Variants in EP400 observed in about 807,000 individuals in gnomAD.
The protein encoded by EP400 is E1A binding protein p400.
A neutral mutation model predicts 354.1 loss-of-function variants in EP400; 105 were observed. That is an observed-to-expected ratio of 0.30 (90% CI 0.25 to 0.35). EP400 has a LOEUF of 0.35. Ranked by LOEUF, EP400 falls within the 10% of genes least tolerant of loss-of-function variation. EP400 has a pLI of 1.00. For synonymous variants in EP400, 1,646 were observed against 1,716.9 expected (o/e 0.96, Z 1.02); for missense variants, 3,280 against 4,121.0 (o/e 0.80, Z 5.59).
Position 131,986,423 on chromosome 12 carries a change from C to T in EP400, c.1930-91C>T, listed in dbSNP as rs76894458. 9,827 of 1,342,846 alleles carry T rather than the reference C, an allele frequency of 7.3e-3. 513 individuals carry two copies. In the African/African-American group the frequency reaches 0.12, roughly 16 times the overall value. 83.2% of individuals were successfully genotyped at this position (1,342,846 alleles called of 1,614,324 possible). On this transcript the variant is annotated intron_variant, in intron 5 of 52. Transcript: ENST00000389561. ...AGCGGAAGGTGCTGGCAGTGCGCGT[C>T]TCTGGTGCTGTGGGCGCTCAGGTAT...
rs1894765179 is a variant in EP400, at chr12:132,037,772, C to T, written c.6042C>T (p.Tyr2014=). 1.9e-6 allele frequency: 3 copies of T among 1,614,084 alleles called. No homozygotes were observed. The highest frequency in any genetic ancestry group is 2.5e-6 in the Non-Finnish European group (3 of 1,180,030). The change falls in exon 31 of 53, where the codon TAC becomes TAT. Residue 2014 remains tyrosine, a synonymous_variant. Transcript: ENST00000389561. ...AAGTGGCTGCTCAGGGAAATGACTA[C>T]TCCATGGCTTTCTTAACTCAGGTAC... ...IREVAAQGND[Y]SMAFLTQRTI...
At chr12:132,063,848 C>T (rs951589690) in intron 47 of EP400, among the ~76,000 whole-genome samples, 5 of 152,198 alleles carry the variant, frequency 3.3e-5, no homozygotes, top group African/African-American at 1.2e-4. Context: ...GCAGCCCCCG[C>T]CTAGCCCACT....
In EP400 at chr12:132,077,663, C is replaced by T. The variant is rs779770506; in HGVS notation, c.9362C>T (p.Pro3121Leu). The T allele has an allele frequency of 1.0e-5, 16 of 1,607,962 alleles. No homozygotes were observed. The highest frequency in any genetic ancestry group is 1.3e-5 in the Non-Finnish European group (15 of 1,176,782). ...AVRLKTPTKPPCQ is the reference protein window; with the variant it reads ...AVRLKTPTKPLCQ Reference sequence around the variant, plus strand: ...AGGCTAAAGACACCTACTAAGCCTCCGTGCCAGTAGTCAGGGCAGCAGGGC... The same window carrying T: ...AGGCTAAAGACACCTACTAAGCCTCTGTGCCAGTAGTCAGGGCAGCAGGGC... Residue 3121 changes from proline to leucine, a missense_variant, in exon 53 of 53, where the codon CCG (proline) becomes CTG (leucine). Pro to Leu is a moderately conservative substitution (Grantham distance 98). Around this residue, in one of 20 missense-constraint regions of EP400, gnomAD observed 279 missense variants for 386.7 expected, o/e 0.72. Transcript: ENST00000389561.
chr12:132,021,060 C>T lies in EP400; in HGVS notation c.4448-19C>T. ...AGAACCTCTAACAGCTTTGCACAAA[C>T]AAACCTTATCGATTGCAGCAGCAGC... On this transcript the variant is annotated intron_variant, in intron 22 of 52. Transcript: ENST00000389561. 1 of 1,582,258 alleles carries T rather than the reference C, an allele frequency of 6.3e-7. No homozygotes were observed. Among genetic ancestry groups the T allele is most frequent in the Non-Finnish European group, 8.5e-7 (1 of 1,169,620 alleles).
Position 132,053,504 on chromosome 12 carries a change from ACCCCAGCCACAG to A in EP400, c.7642_7653del (p.Pro2548_Gln2551del). ...CAGGGCCACCAGCTGTCCAGCCCCAACCCCAGCCACAGCCCCAGACCCAGCCACAGCCTGTGC... is the reference window on the plus strand; with the variant it reads ...CAGGGCCACCAGCTGTCCAGCCCCAACCCCAGACCCAGCCACAGCCTGTGC... On this transcript the variant is annotated inframe_deletion, in exon 43 of 53. Coordinates refer to ENST00000389561, the MANE Select transcript of EP400 (RefSeq NM_015409.5). The A allele has an allele frequency of 6.5e-7, 1 of 1,537,674 alleles. No homozygotes were observed. The highest frequency in any genetic ancestry group is 8.7e-7 in the Non-Finnish European group (1 of 1,148,502).
chr12:131,999,194 G>A (rs570358169), intron 12 of EP400, among the ~76,000 whole-genome samples: 3 of 151,954 alleles, frequency 2.0e-5, no homozygotes, highest in Non-Finnish European at 4.4e-5. Flanking sequence ...GGTTGTCTGA[G>A]CTCTCCGTGG....
chr12:131,997,249 A>G (rs1462747434), intron 12 of EP400, among the ~76,000 whole-genome samples: 1 of 151,592 alleles, frequency 6.6e-6, no homozygotes, highest in Non-Finnish European at 1.5e-5. Context: ...CGATGAACAC[A>G]TATTTTATGT....
intron 45 of EP400, among the ~76,000 whole-genome samples, chr12:132,061,678 CCACG>C (rs1447783288): frequency 6.6e-6 from 1 of 152,190 alleles, no homozygotes; most frequent in Non-Finnish European, 1.5e-5. Context: ...CCACAAGACC[CCACG>C]CACATGGTGA....
chr12:132,024,497 CTTAATT>C (rs1056814074), intron 24 of EP400, among the ~76,000 whole-genome samples: 4 of 152,210 alleles, frequency 2.6e-5, no homozygotes, highest in Non-Finnish European at 4.4e-5. Context: ...TATCAGCAGA[CTTAATT>C]TTAACTCCCA....
rs140458662 is a variant in EP400, at chr12:132,074,551, G to A, written c.9022-1965G>A. 9.1e-3 allele frequency among the ~76,000 whole-genome samples: 1,388 copies of A among 152,218 alleles called. 16 individuals are homozygous for A. Among genetic ancestry groups the A allele is most frequent in the African/African-American group, 0.032 (1,334 of 41,526 alleles). Reference sequence around the variant, plus strand: ...CCAATGCTCCAGCTTCTTGAATCTCGGGCAGTCTCTCTCATGTCTTTAGGA... The same window carrying A: ...CCAATGCTCCAGCTTCTTGAATCTCAGGCAGTCTCTCTCATGTCTTTAGGA... On this transcript the variant is annotated intron_variant, in intron 51 of 52. Coordinates refer to ENST00000389561, the MANE Select transcript of EP400 (RefSeq NM_015409.5).
chr12:132,006,733 G>C lies in EP400; in HGVS notation c.3160G>C (p.Ala1054Pro). Residue 1054 changes from alanine (A) to proline (P), a missense_variant, in exon 15 of 53, where the codon GCT becomes CCT. Ala to Pro is a conservative substitution (Grantham distance 27, BLOSUM62 -1). Transcript: ENST00000389561. ...KFNAPSLLYGALRDYQKIGLD... is the reference protein window; with the variant it reads ...KFNAPSLLYGPLRDYQKIGLD... ...TAATGCTCCATCTTTGTTGTATGGG[G>C]CTCTCAGAGATTATCAGAAGATTGG... The C allele has an allele frequency of 6.2e-7, 1 of 1,611,304 alleles. No individual in the cohort carries two copies. The highest frequency in any genetic ancestry group is 1.7e-4 in the Middle Eastern group (1 of 6,050).
chr12:132,031,930 T>G, intron 29 of EP400, 23 bp from the exon 30 acceptor site: 2 of 1,583,780 alleles, frequency 1.3e-6, no homozygotes, highest in Admixed American at 1.8e-5. Flanking sequence ...GAATACTAAC[T>G]CCTGTGTTTT....
chr12:131,988,046 A>C (rs1892911969), intron 7 of EP400, among the ~76,000 whole-genome samples, 156 bp downstream of exon 7: 1 of 141,264 alleles, frequency 7.1e-6, no homozygotes, highest in Admixed American at 7.5e-5. Context: ...CCAGGCTGGA[A>C]TGTCCAGCTA....
chr12:132,024,600 C>T (rs1593354942), intron 24 of EP400, among the ~76,000 whole-genome samples: 2 of 152,158 alleles, frequency 1.3e-5, no homozygotes, highest in South Asian at 2.1e-4. Flanking sequence ...AATTGAGTGG[C>T]GCCTTGTCCC....
chr12:131,970,367 G>C (rs1024526686), intron 2 of EP400, among the ~76,000 whole-genome samples: 1 of 152,248 alleles, frequency 6.6e-6, no homozygotes, highest in Non-Finnish European at 1.5e-5. Context: ...CTTTTGATGA[G>C]AGTGGAGCTT....
Position 132,053,432 on chromosome 12 carries a change from A to G in EP400, c.7563A>G (p.Pro2521=). ...AGCCCCCACCACCCCCGCAGCAGCC[A>G]CCGCCACCGCTGCCACAACCACAGG... is the stretch of plus-strand genomic sequence containing the variant. ...QPQPPPPPQQ[P]PPPLPQPQAA... is the part of the protein sequence containing the mutation. Residue 2521 remains proline (P), a synonymous_variant, in exon 43 of 53, where the codon CCA becomes CCG. Coordinates refer to ENST00000389561, the MANE Select transcript of EP400 (RefSeq NM_015409.5). 1.7e-6 allele frequency: 2 copies of G among 1,163,384 alleles called. 1 individual carries two copies. Among genetic ancestry groups the G allele is most frequent in the Non-Finnish European group, 2.2e-6 (2 of 909,942 alleles). The allele number at this position is 1,163,384 out of a possible 1,614,324, so 72.1% of individuals were successfully genotyped here. A position where few individuals can be genotyped will look rare whatever the true frequency, so the allele number is the denominator to read the frequency against.
Position 132,011,614 on chromosome 12 carries a change from G to C in EP400, c.3421G>C (p.Glu1141Gln). The C allele has an allele frequency of 6.2e-7, 1 of 1,608,318 alleles. No individual in the cohort carries two copies. The highest frequency in any genetic ancestry group is 1.3e-5 in the African/African-American group (1 of 74,590). The change falls in exon 16 of 53, where the codon GAA (glutamate) becomes CAA (glutamine). Residue 1141 changes from glutamate to glutamine, a missense_variant. By Grantham distance (29) the Glu-to-Gln change is conservative. This residue lies in a region of EP400 where 242 missense variants were observed against 357.9 expected (regional missense o/e 0.68). Transcript: ENST00000389561. Reference sequence around the variant, plus strand: ...CCTCTCATATATTGGCAGCCACAGAGAACTCAAAGCAAAGAGACAGGTATT... The same window carrying C: ...CCTCTCATATATTGGCAGCCACAGACAACTCAAAGCAAAGAGACAGGTATT... The part of the protein sequence containing the change: ...KILSYIGSHR[E>Q]LKAKRQEWAE...
intron 2 of EP400, among the ~76,000 whole-genome samples, chr12:131,977,707 C>T (rs542623535): frequency 9.6e-4 from 146 of 152,250 alleles, no homozygotes; most frequent in African/African-American, 3.2e-3. Flanking sequence ...TCCATTCCCT[C>T]TGTCCCTTTC....
chr12:132,069,215 C>T lies in EP400; in HGVS notation c.8875-280C>T, dbSNP rs117409600. On this transcript the variant is annotated intron_variant, in intron 50 of 52. Coordinates refer to ENST00000389561, the MANE Select transcript of EP400 (RefSeq NM_015409.5). ...AGGGTGTCAGGGTGCCCCACCAGCC[C>T]GACTATTCAGGGAGCAGTGTCCCGG... The T allele has an allele frequency of 1.8e-3, 723 of 396,282 alleles. 9 individuals carry two copies. In the East Asian group the frequency reaches 0.026, roughly 14 times the overall value. 24.5% of individuals were successfully genotyped at this position (396,282 alleles called of 1,614,324 possible). A position where few individuals can be genotyped will look rare whatever the true frequency, so the allele number is the denominator to read the frequency against.
Sources: gnomAD v4.1 joint callset for allele counts (sites outside exome capture counted in the v4.1 genomes callset) on GRCh38, gnomAD v4.1.1 for gene constraint, gnomAD v4.1.1 regional missense constraint, MANE v1.5 for transcripts, NCBI Gene and HGNC (gene_info 2026-07-23, HGNC 2026-07-21) for gene names.